The following GLS variants were observed in gnomAD, a reference collection of about 807,000 sequenced individuals.
GLS encodes glutaminase kidney isoform, mitochondrial.
Under a neutral mutation model 86.7 loss-of-function variants are expected in GLS, and 36 were observed. That is an observed-to-expected ratio of 0.42 (90% CI 0.32 to 0.55). GLS has a LOEUF of 0.55. Ranked by LOEUF, GLS falls within the 20% of genes least tolerant of loss-of-function variation. The pLI is 0.17. For synonymous variants in GLS, 317 were observed against 305.9 expected (o/e 1.04, Z -0.38); for missense variants, 528 against 833.4 (o/e 0.63, Z 4.51).
intron 9 of GLS, among the ~76,000 whole-genome samples, chr2:190,922,375 A>G (rs570468041): frequency 6.6e-6 from 1 of 152,230 alleles, no homozygotes; most frequent in Admixed American, 6.5e-5. Context: ...TCAGGGGTAA[A>G]CATTTTCAGG....
At chr2:190,952,051 C>T (rs1190749221) in intron 14 of GLS, among the ~76,000 whole-genome samples, 1 of 152,144 alleles carries the variant, frequency 6.6e-6, no homozygotes, top group Admixed American at 6.5e-5. Context: ...TAAAAAACAA[C>T]AAACTCTATG....
At chr2:190,911,311 A>G (rs1202669154) in intron 7 of GLS, among the ~76,000 whole-genome samples, 1 of 152,072 alleles carries the variant, frequency 6.6e-6, no homozygotes, top group Non-Finnish European at 1.5e-5. Context: ...AGCCTTTCTT[A>G]ACTTTTAAGA....
At chr2:190,893,162 A>T (rs2125980868) in intron 1 of GLS, among the ~76,000 whole-genome samples, 1 of 152,334 alleles carries the variant, frequency 6.6e-6, no homozygotes, top group Middle Eastern at 3.4e-3. Context: ...TTTGAATATT[A>T]GGTGGTGAGT....
rs895272417 is a variant in GLS, at chr2:190,951,572, G to A, written c.1651-1993G>A. Among the ~76,000 whole-genome samples the A allele has an allele frequency of 1.3e-5, 2 of 152,094 alleles. No homozygotes were observed. The highest frequency in any genetic ancestry group is 2.9e-5 in the Non-Finnish European group (2 of 68,032). ...AGATAAAAAGTAGTCTCAAAAATGAGGAAGCTTTTTACTTTGAGCGATGAA... is the reference window on the plus strand; with the variant it reads ...AGATAAAAAGTAGTCTCAAAAATGAAGAAGCTTTTTACTTTGAGCGATGAA... On this transcript the variant is annotated intron_variant, in intron 14 of 17. Coordinates refer to ENST00000320717, the MANE Select transcript of GLS (RefSeq NM_014905.5). This position sits in a 1 kb window ranked among gnomAD's most constrained non-coding sequence, Gnocchi z 4.2.
Position 190,895,121 on chromosome 2 carries a change from G to A in GLS, c.387-31G>A, listed in dbSNP as rs775125209. The A allele has an allele frequency of 2.8e-5, 25 of 894,986 alleles. No homozygotes were observed. The highest frequency in any genetic ancestry group is 2.2e-4 in the Middle Eastern group (1 of 4,518). 55.4% of individuals were successfully genotyped at this position (894,986 alleles called of 1,614,324 possible). ...AAATCCAGTAGAATGTTCATACAAG[G>A]ATTAATTTTGTGTTCTTTCTACCTC... On this transcript the variant is annotated intron_variant, in intron 1 of 17. Coordinates refer to ENST00000320717, the MANE Select transcript of GLS (RefSeq NM_014905.5). The surrounding 1 kb of genome is among the most constrained non-coding windows in gnomAD (Gnocchi z 4.2).
At chr2:190,916,713 G>A (rs555542777) in intron 7 of GLS, among the ~76,000 whole-genome samples, 1 of 152,140 alleles carries the variant, frequency 6.6e-6, no homozygotes, top group African/African-American at 2.4e-5. Context: ...TTCAATACAG[G>A]CATACCTCAG....
intron 1 of GLS, among the ~76,000 whole-genome samples, chr2:190,883,055 G>A (rs1402472336): frequency 6.6e-6 from 1 of 152,170 alleles, no homozygotes; most frequent in Non-Finnish European, 1.5e-5. Context: ...GTAAAATTAT[G>A]TCTTCAGGTC....
rs895088433 is a variant in GLS, at chr2:190,956,103, T to C, written c.1853+1285T>C. On this transcript the variant is annotated intron_variant, in intron 17 of 17. Coordinates refer to ENST00000320717, the MANE Select transcript of GLS (RefSeq NM_014905.5). The surrounding 1 kb of genome is among the most constrained non-coding windows in gnomAD (Gnocchi z 4.2). ...TCGCCCTGATGATAGTTTCTTTTGC[T>C]GTGCAGAAGCTCTTTAGTTTAATTA... is the stretch of plus-strand genomic sequence containing the variant. Among the ~76,000 whole-genome samples, 1 of 152,240 alleles carries C rather than the reference T, an allele frequency of 6.6e-6. No homozygotes were observed. Among genetic ancestry groups the C allele is most frequent in the Non-Finnish European group, 1.5e-5 (1 of 68,040 alleles).
At position 190,947,482 on chromosome 2, in the gene GLS, G is replaced by A. The variant is rs1235210302; in HGVS notation, c.1651-6083G>A. Among the ~76,000 whole-genome samples, 1 of 152,184 alleles carries A rather than the reference G, an allele frequency of 6.6e-6. No homozygotes were observed. The highest frequency in any genetic ancestry group is 2.4e-5 in the African/African-American group (1 of 41,444). ...AAATCTACAAGATGAAGGGGAAACT[G>A]TTAACAGTTAATTTATAAATTTTAA... On this transcript the variant is annotated intron_variant, in intron 14 of 17. Transcript: ENST00000320717. This position sits in a 1 kb window ranked among gnomAD's most constrained non-coding sequence, Gnocchi z 5.0.
rs1690718311 is a variant in GLS, at chr2:190,951,477, A to G, written c.1651-2088A>G. ...ACCAATGAAAGAGGAAAAGTTAAAG[A>G]TGCTAGAAACAAAGGGGATCAGTGA... On this transcript the variant is annotated intron_variant, in intron 14 of 17. Coordinates refer to ENST00000320717, the MANE Select transcript of GLS (RefSeq NM_014905.5). This position sits in a 1 kb window ranked among gnomAD's most constrained non-coding sequence, Gnocchi z 4.2. Among the ~76,000 whole-genome samples, 1 of 152,210 alleles carries G rather than the reference A, an allele frequency of 6.6e-6. No individual in the cohort carries two copies. Among genetic ancestry groups the G allele is most frequent in the African/African-American group, 2.4e-5 (1 of 41,458 alleles).
intron 3 of GLS, among the ~76,000 whole-genome samples, chr2:190,899,818 TATC>T (rs997464214): frequency 2.6e-5 from 4 of 152,138 alleles, no homozygotes; most frequent in Non-Finnish European, 5.9e-5. Context: ...GATTTCAGAA[TATC>T]ATGCTCTCCC....
At chr2:190,892,028 T>C (rs1329235728) in intron 1 of GLS, among the ~76,000 whole-genome samples, 1 of 152,210 alleles carries the variant, frequency 6.6e-6, no homozygotes, top group East Asian at 1.9e-4. Context: ...GTGAAGTAGT[T>C]TTCCAAAGTC....
chr2:190,897,099 G>C lies in GLS; in HGVS notation c.605+1374G>C, dbSNP rs984709856. Among the ~76,000 whole-genome samples the C allele has an allele frequency of 6.6e-6, 1 of 151,808 alleles. No individual in the cohort carries two copies. Among genetic ancestry groups the C allele is most frequent in the Non-Finnish European group, 1.5e-5 (1 of 67,972 alleles). ...GCTGGAGTGTAGTGACATGATCTTG[G>C]CTCACTACAACCTCTGCCTCCCGGG... On this transcript the variant is annotated intron_variant, in intron 3 of 17. Transcript: ENST00000320717. The surrounding 1 kb of genome is among the most constrained non-coding windows in gnomAD (Gnocchi z 4.3).
intron 14 of GLS, among the ~76,000 whole-genome samples, chr2:190,946,568 T>TA (rs1227679170): frequency 6.6e-6 from 1 of 152,028 alleles, no homozygotes; most frequent in Admixed American, 6.6e-5. Context: ...AGACAGAAAC[T>TA]AAAGATGAAA....
chr2:190,952,864 AC>A (rs1277210208), intron 14 of GLS, among the ~76,000 whole-genome samples: 3 of 152,228 alleles, frequency 2.0e-5, no homozygotes, highest in Non-Finnish European at 4.4e-5. Context: ...AAATAACTAG[AC>A]TTTTCCTCTT....
At chr2:190,933,872 A>G in intron 14 of GLS, 1 of 877,944 alleles carries the variant, frequency 1.1e-6, no homozygotes, top group Non-Finnish European at 1.4e-6. Context: ...TTTAGTCTGC[A>G]GGTAGTAAGT....
rs3732211 is a variant in GLS, at chr2:190,953,597, A to C, written c.1683A>C (p.Ala561=). 5,071 of 1,611,020 alleles carry C rather than the reference A, an allele frequency of 3.1e-3. 106 individuals are homozygous for C. In the East Asian group the frequency reaches 0.052, roughly 16 times the overall value. ...CAGTGATAAATCTTTTGTTTGCTGCATATACTGGAGATGTGTCTGCACTTC... is the reference window on the plus strand; with the variant it reads ...CAGTGATAAATCTTTTGTTTGCTGCCTATACTGGAGATGTGTCTGCACTTC... ...VKSVINLLFA[A]YTGDVSALRR... is the part of the protein sequence containing the mutation. The change falls in exon 15 of 18, where the codon GCA becomes GCC. Residue 561 remains alanine, a synonymous_variant. Coordinates refer to ENST00000320717, the MANE Select transcript of GLS (RefSeq NM_014905.5). This position sits in a 1 kb window ranked among gnomAD's most constrained non-coding sequence, Gnocchi z 4.0.
chr2:190,954,862 T>C lies in GLS; in HGVS notation c.1853+44T>C, dbSNP rs1394284089. 1 of 1,234,178 alleles carries C rather than the reference T, an allele frequency of 8.1e-7. No individual in the cohort carries two copies. Among genetic ancestry groups the C allele is most frequent in the Non-Finnish European group, 1.2e-6 (1 of 858,306 alleles). 76.5% of individuals were successfully genotyped at this position (1,234,178 alleles called of 1,614,324 possible). ...TTCTAAATATGTCAGTATTTTATTA[T>C]GCAGGACTGTAATATTCAAGTGATG... On this transcript the variant is annotated intron_variant, in intron 17 of 17. Coordinates refer to ENST00000320717, the MANE Select transcript of GLS (RefSeq NM_014905.5). This position sits in a 1 kb window ranked among gnomAD's most constrained non-coding sequence, Gnocchi z 4.0.
Position 190,924,989 on chromosome 2 carries a change from A to G in GLS, c.1248+396A>G, listed in dbSNP as rs1689853335. ...AATCTTGGTTCTAGGCCATGAGAAA[A>G]TACATTTTCCATTGACTTTCAAAAA... On this transcript the variant is annotated intron_variant, in intron 11 of 17. Transcript: ENST00000320717. This position sits in a 1 kb window ranked among gnomAD's most constrained non-coding sequence, Gnocchi z 5.2. Among the ~76,000 whole-genome samples the G allele has an allele frequency of 1.3e-5, 2 of 152,226 alleles. No individual in the cohort carries two copies. Among genetic ancestry groups the G allele is most frequent in the Admixed American group, 1.3e-4 (2 of 15,282 alleles).
Sources: gnomAD v4.1 joint callset for allele counts (sites outside exome capture counted in the v4.1 genomes callset) on GRCh38, gnomAD v4.1.1 for gene constraint, Gnocchi (gnomAD v3.1) non-coding constraint, MANE v1.5 for transcripts, NCBI Gene and HGNC (gene_info 2026-07-23, HGNC 2026-07-21) for gene names.